The following ATP11B variants were observed in gnomAD, a reference collection of about 807,000 sequenced individuals.
ATP11B encodes the protein phospholipid-transporting ATPase IF.
In ATP11B, 81 loss-of-function variants were observed where a neutral mutation model predicts 157.8. The observed-to-expected ratio is 0.51, with a 90% confidence interval of 0.43 to 0.62. ATP11B has a LOEUF of 0.62. ATP11B is among the 20% of genes least tolerant of loss of function. The pLI is 0.00. For synonymous variants in ATP11B, 451 were observed against 469.4 expected (o/e 0.96, Z 0.51); for missense variants, 1,165 against 1,402.2 (o/e 0.83, Z 2.70).
intron 21 of ATP11B, 135 bp downstream of exon 21, chr3:182,881,116 A>T (rs767129456): frequency 3.6e-5 from 21 of 587,534 alleles, no homozygotes; most frequent in Non-Finnish European, 5.5e-5. Flanking sequence ...TGGTAATAAT[A>T]TAGCACAGTG....
At chr3:182,917,502 AG>A (rs970175370) in intron 29 of ATP11B, 19 of 985,276 alleles carry the variant, frequency 1.9e-5, no homozygotes, top group African/African-American at 3.5e-5. Context: ...AGTGACCTAC[AG>A]GTGTCTTTGA....
intron 26 of ATP11B, 26 bp from the exon 27 acceptor site, chr3:182,897,277 C>T (rs1723616550): frequency 1.4e-5 from 18 of 1,315,382 alleles, no homozygotes; most frequent in Non-Finnish European, 1.8e-5. Context: ...GTTTATATTT[C>T]TAAGGATATA....
chr3:182,834,366 A>AT (rs1198672311), intron 4 of ATP11B, among the ~76,000 whole-genome samples: 1 of 152,046 alleles, frequency 6.6e-6, no homozygotes, highest in African/African-American at 2.4e-5. Context: ...ATAGATGCAC[A>AT]TTTTTTTAAG....
rs150484110 is a variant in ATP11B, at chr3:182,890,126, A to C, written c.2982+578A>C. 3.9e-5 allele frequency among the ~76,000 whole-genome samples: 6 copies of C among 152,070 alleles called. No homozygotes were observed. The South Asian group carries it at 1.0e-3, about 26-fold the overall frequency. ...GAAGCATGAAATTAGGAAAGAGTGCATTTTAAACAGTACACTGTTACACTG... is the reference window on the plus strand; with the variant it reads ...GAAGCATGAAATTAGGAAAGAGTGCCTTTTAAACAGTACACTGTTACACTG... On this transcript the variant is annotated intron_variant, in intron 25 of 29. Transcript: ENST00000323116.
At chr3:182,909,435 A>G (rs1479600014) in intron 28 of ATP11B, among the ~76,000 whole-genome samples, 2 of 152,200 alleles carry the variant, frequency 1.3e-5, no homozygotes. Flanking sequence ...TGGTACCACT[A>G]GGTGGGGTCT....
intron 1 of ATP11B, among the ~76,000 whole-genome samples, chr3:182,809,030 T>G (rs1273176527): frequency 2.0e-5 from 3 of 151,986 alleles, no homozygotes; most frequent in Non-Finnish European, 2.9e-5. Context: ...AATAAAAAGT[T>G]GGCAACCCTA....
At chr3:182,887,968 T>C (rs1722910778) in intron 24 of ATP11B, among the ~76,000 whole-genome samples, 1 of 152,234 alleles carries the variant, frequency 6.6e-6, no homozygotes, top group African/African-American at 2.4e-5. Flanking sequence ...GCACTTACTC[T>C]CGCAAACCAG....
rs538004954 is a variant in ATP11B, at chr3:182,869,147, T to C, written c.1758T>C (p.Pro586=). The C allele has an allele frequency of 2.5e-6, 4 of 1,609,808 alleles. No homozygotes were observed. The highest frequency in any genetic ancestry group is 3.4e-6 in the Non-Finnish European group (4 of 1,177,696). The change falls in exon 16 of 30, where the codon CCT becomes CCC. Residue 586 remains proline (P), a synonymous_variant. Transcript: ENST00000323116. The stretch of plus-strand genomic sequence containing the variant: ...GAATGAGTGTAATTGTTCAGGCACC[T>C]TCAGGTAACCAATCTAAACTTTCAT... ...RRRMSVIVQA[P]SGEKLLFAKG...
At chr3:182,804,042 G>A (rs1716169278) in intron 1 of ATP11B, among the ~76,000 whole-genome samples, 1 of 151,842 alleles carries the variant, frequency 6.6e-6, no homozygotes, top group South Asian at 2.1e-4. Context: ...GCCACTTACA[G>A]TGTTTGTCTA....
rs773101147 is a variant in ATP11B, at chr3:182,880,947, C to T, written c.2475C>T (p.Asp825=). 14 of 1,597,318 alleles carry T rather than the reference C, an allele frequency of 8.8e-6. No individual in the cohort carries two copies. In the East Asian group the frequency reaches 1.1e-4, roughly 13 times the overall value. Residue 825 remains aspartate, a synonymous_variant, in exon 21 of 30, where the codon GAC becomes GAT. Coordinates refer to ENST00000323116, the MANE Select transcript of ATP11B (RefSeq NM_014616.3). ...ITLAVGDGAN[D]VSMIQEAHVG... ...TGGCTGTTGGTGATGGTGCTAATGA[C>T]GTAAGCATGATACAAGAAGCCCATG...
rs574391284 is a variant in ATP11B, at chr3:182,900,331, TTG to T, written c.3318+1561_3318+1562del. 3.7e-3 allele frequency among the ~76,000 whole-genome samples: 571 copies of T among 152,318 alleles called. 2 individuals are homozygous for T. Among genetic ancestry groups the T allele is most frequent in the Middle Eastern group, 0.02 (6 of 294 alleles). ...GAAAAATAATTGCTACTTTACATGGTTGTTAGAGATAACGAGTATGAAGTACC... is the reference window on the plus strand; with the variant it reads ...GAAAAATAATTGCTACTTTACATGGTTTAGAGATAACGAGTATGAAGTACC... On this transcript the variant is annotated intron_variant, in intron 28 of 29. Transcript: ENST00000323116.
At chr3:182,910,160 C>T (rs1230579078) in intron 28 of ATP11B, among the ~76,000 whole-genome samples, 4 of 149,834 alleles carry the variant, frequency 2.7e-5, no homozygotes, top group African/African-American at 7.4e-5. Context: ...TATATATTCA[C>T]ATATATATAC....
chr3:182,882,487 A>G (rs1722493270), intron 21 of ATP11B, among the ~76,000 whole-genome samples: 1 of 152,094 alleles, frequency 6.6e-6, no homozygotes, highest in African/African-American at 2.4e-5. Context: ...AAAAAAATGG[A>G]TAAAACTGGT....
chr3:182,836,565 C>G (rs2108510965), intron 6 of ATP11B, 95 bp downstream of exon 6: 2 of 1,429,222 alleles, frequency 1.4e-6, no homozygotes, highest in Non-Finnish European at 1.9e-6. Flanking sequence ...AAAGTTTGAC[C>G]AGATTAAGGG....
In ATP11B at chr3:182,802,994, T is replaced by G. The variant is rs547083819; in HGVS notation, c.27+9208T>G. Among the ~76,000 whole-genome samples, 17 of 152,302 alleles carry G rather than the reference T, an allele frequency of 1.1e-4. No homozygotes were observed. The South Asian group carries it at 2.7e-3, about 24-fold the overall frequency. ...GTAATCCCTGCCCCAGCCAATCTTA[T>G]GGGGGGTTCTTTTTTTCTAATGTAT... On this transcript the variant is annotated intron_variant, in intron 1 of 29. Transcript: ENST00000323116.
chr3:182,915,586 C>G, intron 29 of ATP11B: 1 of 972,470 alleles, frequency 1.0e-6, no homozygotes, highest in Non-Finnish European at 1.2e-6. Context: ...GGAAATTTCT[C>G]TTTAATGACA....
At chr3:182,915,679 C>A (rs1407204370) in intron 29 of ATP11B, 3 of 975,882 alleles carry the variant, frequency 3.1e-6, no homozygotes, top group Non-Finnish European at 3.7e-6. Context: ...ATACATATAT[C>A]CATTTTCTTG....
At chr3:182,885,646 A>G (rs1439878151) in intron 22 of ATP11B, among the ~76,000 whole-genome samples, 1 of 152,134 alleles carries the variant, frequency 6.6e-6, no homozygotes, top group South Asian at 2.1e-4. Context: ...TTATTGTACT[A>G]TATATGAAAA....
At chr3:182,898,933 T>A (rs1487444176) in intron 28 of ATP11B, among the ~76,000 whole-genome samples, 161 bp downstream of exon 28, 1 of 152,170 alleles carries the variant, frequency 6.6e-6, no homozygotes, top group Non-Finnish European at 1.5e-5. Flanking sequence ...ATTTTTGAAG[T>A]TATTTCTTAC....
Sources: gnomAD v4.1 joint callset for allele counts (sites outside exome capture counted in the v4.1 genomes callset) on GRCh38, gnomAD v4.1.1 for gene constraint, MANE v1.5 for transcripts, NCBI Gene and HGNC (gene_info 2026-07-23, HGNC 2026-07-21) for gene names.